Variants in SPTBN1 observed in about 807,000 individuals in gnomAD.
SPTBN1 encodes spectrin beta chain, non-erythrocytic 1.
A neutral mutation model predicts 266.4 loss-of-function variants in SPTBN1; 32 were observed. That is an observed-to-expected ratio of 0.12 (90% confidence interval 0.09 to 0.16). The LOEUF (loss-of-function observed/expected upper bound fraction) is 0.16, where lower values mean the gene tolerates loss of function less well. Ranked by LOEUF, SPTBN1 falls within the 10% of genes least tolerant of loss-of-function variation. SPTBN1 has a pLI of 1.00. For missense variants in SPTBN1, 2,296 were observed against 3,067.1 expected (o/e 0.75, Z 5.94); for synonymous variants, 1,336 against 1,162.2 (o/e 1.15, Z -3.04).
intron 1 of SPTBN1, among the ~76,000 whole-genome samples, chr2:54,519,636 A>G (rs28496426): frequency 0.052 from 7,972 of 152,214 alleles, 650 homozygotes; most frequent in African/African-American, 0.18. Context: ...TTTCTCTCCT[A>G]AGGCTTCTTG....
chr2:54,666,889 G>C (rs995755895), intron 34 of SPTBN1, among the ~76,000 whole-genome samples: 3 of 152,190 alleles, frequency 2.0e-5, no homozygotes, highest in Non-Finnish European at 4.4e-5. Flanking sequence ...CGCAGTGCAG[G>C]CAGGCTCTTT....
At chr2:54,625,694 G>T (rs999382852) in intron 11 of SPTBN1, among the ~76,000 whole-genome samples, 1 of 152,040 alleles carries the variant, frequency 6.6e-6, no homozygotes. Flanking sequence ...AGGTTCAAGC[G>T]ATTTTCCTGC....
chr2:54,485,436 G>A (rs1048659645), intron 1 of SPTBN1, among the ~76,000 whole-genome samples: 3 of 152,220 alleles, frequency 2.0e-5, no homozygotes, highest in African/African-American at 7.2e-5. Context: ...TGAGTGATCT[G>A]CCAGCCTCGG....
intron 2 of SPTBN1, among the ~76,000 whole-genome samples, chr2:54,534,092 G>A (rs987334578): frequency 1.3e-5 from 2 of 152,178 alleles, no homozygotes; most frequent in African/African-American, 2.4e-5. Flanking sequence ...GCAGGTCTCT[G>A]AGAACACCTC....
intron 2 of SPTBN1, among the ~76,000 whole-genome samples, chr2:54,577,590 T>G (rs902569406): frequency 3.9e-5 from 6 of 152,238 alleles, no homozygotes; most frequent in African/African-American, 1.4e-4. Flanking sequence ...TGTGCAGGCA[T>G]TGTCCTAAGT....
intron 2 of SPTBN1, among the ~76,000 whole-genome samples, chr2:54,593,823 CTTTTTTTTTTTTTTT>C (rs374877354): frequency 3.1e-5 from 2 of 64,782 alleles, no homozygotes; most frequent in Admixed American, 2.6e-4. Context: ...CATGGAAACA[CTTTTTTTTTTTTTTT>C]TTTTTTTTTT....
chr2:54,623,447 A>C (rs1441562638), intron 9 of SPTBN1, 32 bp from the exon 10 acceptor site: 8 of 1,598,682 alleles, frequency 5.0e-6, no homozygotes, highest in Non-Finnish European at 6.0e-6. Context: ...TTTTTTCTCC[A>C]GTACCAAATG....
intron 2 of SPTBN1, among the ~76,000 whole-genome samples, chr2:54,552,221 G>C (rs1478512049): frequency 1.3e-5 from 2 of 152,192 alleles, no homozygotes; most frequent in Non-Finnish European, 2.9e-5. Flanking sequence ...AAGTGGGATA[G>C]AATTAATTTT....
In SPTBN1 at chr2:54,569,980, C is replaced by G. The variant is rs546869360; in HGVS notation, c.149-29112C>G. 6.5e-3 allele frequency among the ~76,000 whole-genome samples: 966 copies of G among 149,356 alleles called. 8 individuals are homozygous for G. The highest frequency in any genetic ancestry group is 0.014 in the Middle Eastern group (4 of 292). ...ACCCAACTGAAACCATTCCCCCCCC[C>G]CTTTAGAAAGATTAGAAGGTTCAGT... On this transcript the variant is annotated intron_variant, in intron 2 of 35. Transcript: ENST00000356805.
intron 3 of SPTBN1, among the ~76,000 whole-genome samples, chr2:54,608,081 A>C (rs962714176): frequency 8.5e-5 from 13 of 152,174 alleles, no homozygotes. Context: ...GGGTTGCTGC[A>C]GCCTGGCCCC....
chr2:54,512,537 G>A (rs1484315034), intron 1 of SPTBN1, among the ~76,000 whole-genome samples: 3 of 152,160 alleles, frequency 2.0e-5, no homozygotes, highest in Non-Finnish European at 4.4e-5. Flanking sequence ...TCTTAAAATC[G>A]TCTACATTTA....
chr2:54,599,415 G>A (rs545884091), intron 3 of SPTBN1, among the ~76,000 whole-genome samples, 172 bp downstream of exon 3: 6 of 152,324 alleles, frequency 3.9e-5, no homozygotes, highest in East Asian at 3.9e-4. Flanking sequence ...CATTCTGAGC[G>A]TGGATGATGT....
At chr2:54,659,882 C>T (rs1052008645) in intron 31 of SPTBN1, 54 bp from the exon 32 acceptor site, 1 of 1,576,406 alleles carries the variant, frequency 6.3e-7, no homozygotes, top group African/African-American at 1.4e-5. Flanking sequence ...CTTACTGTTT[C>T]CTCTTTCTCC....
At chr2:54,516,102 A>G (rs1380569985) in intron 1 of SPTBN1, 1 of 152,066 alleles carries the variant, frequency 6.6e-6, no homozygotes, top group African/African-American at 2.4e-5. Flanking sequence ...TCTGACATAG[A>G]CCACTATTAA....
At chr2:54,483,167 A>G (rs1351393386) in intron 1 of SPTBN1, among the ~76,000 whole-genome samples, 2 of 152,126 alleles carry the variant, frequency 1.3e-5, no homozygotes, top group African/African-American at 4.8e-5. Context: ...TCTGCTGGAG[A>G]AAGACCTGCC....
Position 54,646,318 on chromosome 2 carries a change from T to A in SPTBN1, c.4709T>A (p.Leu1570Gln). Residue 1570 changes from leucine to glutamine, a missense_variant, in exon 23 of 36, where the codon CTG becomes CAG. Leu to Gln is a moderately radical substitution (Grantham distance 113). Coordinates refer to ENST00000356805, the MANE Select transcript of SPTBN1 (RefSeq NM_003128.3). The surrounding 1 kb of genome is among the most constrained non-coding windows in gnomAD (Gnocchi z 4.4). ...GCCATCAGACAGAGGCTTGCCGACC[T>A]GAAGCAGCTGTGGGGTCTCCTCATT... Reference protein sequence around the residue: ...AEAIRQRLADLKQLWGLLIEE... With the variant: ...AEAIRQRLADQKQLWGLLIEE... 3 of 1,614,158 alleles carry A rather than the reference T, an allele frequency of 1.9e-6. No individual in the cohort carries two copies. The highest frequency in any genetic ancestry group is 2.5e-6 in the Non-Finnish European group (3 of 1,180,018).
At chr2:54,583,197 C>T (rs936728803) in intron 2 of SPTBN1, among the ~76,000 whole-genome samples, 3 of 152,028 alleles carry the variant, frequency 2.0e-5, no homozygotes, top group Admixed American at 1.3e-4. Flanking sequence ...CCCCTTGACT[C>T]ACCTCTGGTC....
Position 54,622,362 on chromosome 2 carries a change from C to A in SPTBN1, c.939C>A (p.Asp313Glu), listed in dbSNP as rs1558437197. Residue 313 changes from aspartate (D) to glutamate (E), a missense_variant, in exon 9 of 36, where the codon GAC becomes GAA. Around this residue, in one of 12 missense-constraint regions of SPTBN1, gnomAD observed 148 missense variants for 203.8 expected, o/e 0.73. Transcript: ENST00000356805. ...MIEKYESLAS[D>E]LLEWIEQTII... is the part of the protein sequence containing the mutation. The stretch of plus-strand genomic sequence containing the variant: ...AAAAGTATGAATCACTTGCCTCTGA[C>A]CTTCTGGAATGGATTGAACAAACCA... The A allele has an allele frequency of 3.1e-6, 5 of 1,614,180 alleles. No homozygotes were observed. Among genetic ancestry groups the A allele is most frequent in the Non-Finnish European group, 4.2e-6 (5 of 1,180,028 alleles).
rs1284166106 is a variant in SPTBN1, at chr2:54,646,228, G to A, written c.4619G>A (p.Arg1540His). 2.5e-6 allele frequency: 4 copies of A among 1,613,062 alleles called. No homozygotes were observed. Among genetic ancestry groups the A allele is most frequent in the South Asian group, 1.1e-5 (1 of 90,990 alleles). The change falls in exon 23 of 36, where the codon CGC (arginine) becomes CAC (histidine). Residue 1540 changes from arginine (R) to histidine (H), a missense_variant. Physicochemically the swap from Arg to His is conservative, Grantham distance 29. Transcript: ENST00000356805. This position sits in a 1 kb window ranked among gnomAD's most constrained non-coding sequence, Gnocchi z 4.4. ...LQKEIQGHQPRIDDIFERSQN... is the reference protein window; with the variant it reads ...LQKEIQGHQPHIDDIFERSQN... ...AAAGAAATCCAGGGGCACCAGCCTC[G>A]CATTGACGACATCTTTGAGAGGAGC...
Sources: allele counts gnomAD v4.1 joint callset (sites outside exome capture counted in the v4.1 genomes callset), GRCh38; gene constraint gnomAD v4.1.1; regional missense constraint gnomAD v4.1.1; non-coding constraint Gnocchi (gnomAD v3.1); transcripts MANE v1.5; gene names NCBI Gene and HGNC (gene_info 2026-07-23, HGNC 2026-07-21).